Variants in PRKCH observed in about 807,000 individuals in gnomAD.
The protein encoded by PRKCH is protein kinase C eta type.
In PRKCH, 28 loss-of-function variants were observed where a neutral mutation model predicts 82.5. The observed-to-expected ratio is 0.34, with a 90% CI of 0.25 to 0.47. The LOEUF (loss-of-function observed/expected upper bound fraction) is 0.47, where lower values mean the gene tolerates loss of function less well. Ranked by LOEUF, PRKCH falls within the 20% of genes least tolerant of loss-of-function variation. PRKCH has a pLI of 1.00. For missense variants in PRKCH, 705 were observed against 881.8 expected (o/e 0.80, Z 2.54); for synonymous variants, 322 against 327.4 (o/e 0.98, Z 0.18).
intron 1 of PRKCH, among the ~76,000 whole-genome samples, chr14:61,308,904 C>T (rs552519022): frequency 6.6e-6 from 1 of 151,960 alleles, no homozygotes; most frequent in South Asian, 2.1e-4. Flanking sequence ...GCTGGGATTA[C>T]AGGCATAAGA....
At position 61,384,030 on chromosome 14, in the gene PRKCH, A is replaced by G. The variant is rs149486515; in HGVS notation, c.364-7195A>G. On this transcript the variant is annotated intron_variant, in intron 1 of 13. Coordinates refer to ENST00000332981, the MANE Select transcript of PRKCH (RefSeq NM_006255.5). ...GAAGTTGATGAGATCAGCACTTTAGAAAAGGCTGCTTTGTTTTTGGTGGGG... is the reference window on the plus strand; with the variant it reads ...GAAGTTGATGAGATCAGCACTTTAGGAAAGGCTGCTTTGTTTTTGGTGGGG... Among the ~76,000 whole-genome samples the G allele has an allele frequency of 6.7e-4, 102 of 152,188 alleles. 2 individuals carry two copies. In the South Asian group the frequency reaches 7.7e-3, roughly 11 times the overall value.
intron 1 of PRKCH, among the ~76,000 whole-genome samples, chr14:61,201,087 C>T (rs2044477636): frequency 1.3e-5 from 2 of 152,152 alleles, no homozygotes; most frequent in South Asian, 4.1e-4. Flanking sequence ...ATCCGTTTAA[C>T]TGTGGTACTC....
chr14:61,464,492 G>T (rs537632614), intron 9 of PRKCH, among the ~76,000 whole-genome samples: 1 of 152,142 alleles, frequency 6.6e-6, no homozygotes, highest in East Asian at 1.9e-4. Context: ...CCTATCAACT[G>T]GTCATCCAGG....
At chr14:61,264,185 G>T (rs900373478) in intron 1 of PRKCH, among the ~76,000 whole-genome samples, 1 of 152,092 alleles carries the variant, frequency 6.6e-6, no homozygotes, top group Non-Finnish European at 1.5e-5. Context: ...CAGTTTCATT[G>T]TGTGGCAGTC....
intron 2 of PRKCH, among the ~76,000 whole-genome samples, chr14:61,433,412 G>T (rs1473484762): frequency 6.6e-6 from 1 of 152,158 alleles, no homozygotes; most frequent in African/African-American, 2.4e-5. Flanking sequence ...AAACTAAAGG[G>T]CAGGATTCTT....
At chr14:61,499,905 C>T (rs959326739) in intron 10 of PRKCH, among the ~76,000 whole-genome samples, 14 of 150,822 alleles carry the variant, frequency 9.3e-5, no homozygotes, top group Admixed American at 7.3e-4. Flanking sequence ...AAAAATACAG[C>T]TCTCTTACAA....
At chr14:61,378,691 C>G (rs1420089994) in intron 1 of PRKCH, among the ~76,000 whole-genome samples, 3 of 152,162 alleles carry the variant, frequency 2.0e-5, no homozygotes, top group South Asian at 2.1e-4. Flanking sequence ...TTCTGCTTCC[C>G]CCTTGGAGTC....
intron 1 of PRKCH, among the ~76,000 whole-genome samples, chr14:61,282,132 A>G (rs1320127510): frequency 6.6e-6 from 1 of 152,070 alleles, no homozygotes; most frequent in Non-Finnish European, 1.5e-5. Context: ...GAAAGGCCCA[A>G]TCCAAGGTCC....
At chr14:61,247,688 A>G (rs1343580257) in intron 1 of PRKCH, among the ~76,000 whole-genome samples, 1 of 123,224 alleles carries the variant, frequency 8.1e-6, no homozygotes, top group African/African-American at 3.0e-5. Context: ...GTGACCCGAG[A>G]TTGCACCACT....
chr14:61,529,920 A>ATG (rs2043023991), intron 11 of PRKCH, among the ~76,000 whole-genome samples: 1 of 151,842 alleles, frequency 6.6e-6, no homozygotes, highest in South Asian at 2.1e-4. Context: ...AAAAATATAT[A>ATG]TATATATGTA....
At chr14:61,330,018 T>C (rs1423061875) in intron 1 of PRKCH, among the ~76,000 whole-genome samples, 1 of 152,234 alleles carries the variant, frequency 6.6e-6, no homozygotes, top group Admixed American at 6.5e-5. Context: ...GAGCATGTAC[T>C]AAGTACCAGG....
chr14:61,518,267 G>A (rs535869491), intron 10 of PRKCH, among the ~76,000 whole-genome samples: 24 of 152,174 alleles, frequency 1.6e-4, no homozygotes, highest in African/African-American at 2.2e-4. Context: ...AAGCTGACCC[G>A]CTGCCAGGTA....
chr14:61,528,962 A>ACGTG, intron 10 of PRKCH, 113 bp from the exon 11 acceptor site: 7 of 932,440 alleles, frequency 7.5e-6, no homozygotes, highest in Admixed American at 7.3e-5. Context: ...ATGCGGCCGC[A>ACGTG]TGTGGCCGCA....
At chr14:61,294,323 T>C (rs7143245) in intron 1 of PRKCH, among the ~76,000 whole-genome samples, 119 of 152,140 alleles carry the variant, frequency 7.8e-4, no homozygotes, top group African/African-American at 2.7e-3. Context: ...GGTTTCGCCG[T>C]GTTAGCCAGG....
chr14:61,280,014 G>C lies in PRKCH; in HGVS notation c.-19+92346G>C. 7.8e-7 allele frequency: 1 copy of C among 1,277,704 alleles called. No individual in the cohort carries two copies. The highest frequency in any genetic ancestry group is 1.5e-5 in the South Asian group (1 of 65,148). 79.1% of individuals were successfully genotyped at this position (1,277,704 alleles called of 1,614,324 possible). On this transcript the variant is annotated intron_variant, in intron 1 of 3. Transcript: ENST00000555185. The surrounding 1 kb of genome is among the most constrained non-coding windows in gnomAD (Gnocchi z 5.0). ...AAGCTAGGCGAGGTTGGAATTGGGT[G>C]ACGGGCGAGGAGGAGATGCCAAAAG...
chr14:61,273,250 T>A (rs1189073908), intron 1 of PRKCH, among the ~76,000 whole-genome samples: 1 of 152,194 alleles, frequency 6.6e-6, no homozygotes, highest in Non-Finnish European at 1.5e-5. Context: ...TAAAATATTA[T>A]TTATGGCTTT....
intron 1 of PRKCH, among the ~76,000 whole-genome samples, chr14:61,294,723 A>G (rs1034166398): frequency 2.0e-5 from 3 of 152,118 alleles, no homozygotes; most frequent in Non-Finnish European, 2.9e-5. Flanking sequence ...TGCGTTTTTT[A>G]TTCATTGTTG....
At chr14:61,516,410 TG>T (rs1251600564) in intron 10 of PRKCH, among the ~76,000 whole-genome samples, 1 of 152,198 alleles carries the variant, frequency 6.6e-6, no homozygotes. Context: ...TCCTGGTTTT[TG>T]AATTCTGTTT....
intron 1 of PRKCH, among the ~76,000 whole-genome samples, chr14:61,216,276 G>A (rs1366950859): frequency 1.3e-5 from 2 of 151,974 alleles, no homozygotes; most frequent in Non-Finnish European, 2.9e-5. Context: ...GACCAGCCTT[G>A]CCAACATGGT....
Sources: allele counts gnomAD v4.1 joint callset (sites outside exome capture counted in the v4.1 genomes callset), GRCh38; gene constraint gnomAD v4.1.1; non-coding constraint Gnocchi (gnomAD v3.1); transcripts MANE v1.5; gene names NCBI Gene and HGNC (gene_info 2026-07-23, HGNC 2026-07-21).